Variants in PDE10A observed in about 807,000 individuals in gnomAD.
The protein encoded by PDE10A is phosphodiesterase 10A.
A neutral mutation model predicts 97.7 loss-of-function variants in PDE10A; 39 were observed. The observed-to-expected ratio is 0.40, with a 90% CI of 0.31 to 0.52. The LOEUF is 0.52. Ranked by LOEUF, PDE10A falls within the 20% of genes least tolerant of loss-of-function variation. The probability of loss-of-function intolerance (pLI) is 0.56; values close to 1 mark genes in which losing one functional copy is unlikely to be tolerated. For missense variants in PDE10A, 731 were observed against 1,047.8 expected, an observed-to-expected ratio of 0.70 and a Z score of 4.17; for synonymous variants, 371 against 376.8, an observed-to-expected ratio of 0.98 and a Z score of 0.18.
intron 1 of PDE10A, among the ~76,000 whole-genome samples, chr6:165,918,592 CT>C (rs1211161127): frequency 6.6e-6 from 1 of 152,202 alleles, no homozygotes; most frequent in Non-Finnish European, 1.5e-5. Context: ...AAGTTATTGC[CT>C]TTTAAAAACA....
chr6:165,344,024 G>A (rs115541106), intron 18 of PDE10A, among the ~76,000 whole-genome samples: 1 of 152,208 alleles, frequency 6.6e-6, no homozygotes, highest in African/African-American at 2.4e-5. Flanking sequence ...CTCTCCCCGT[G>A]CAAGTGTGTG....
chr6:165,585,444 TGATAATCTTAGGGG>T (rs1182923358), intron 1 of PDE10A, among the ~76,000 whole-genome samples: 1 of 152,192 alleles, frequency 6.6e-6, no homozygotes, highest in Non-Finnish European at 1.5e-5. Context: ...AAATTATCCT[TGATAATCTTAGGGG>T]GACCTACGTG....
chr6:165,422,477 G>T (rs951187885), intron 10 of PDE10A, among the ~76,000 whole-genome samples: 1 of 146,256 alleles, frequency 6.8e-6, no homozygotes, highest in African/African-American at 2.6e-5. Flanking sequence ...ACACACATAC[G>T]CATACACACC....
At chr6:165,663,316 C>T (rs1790392519), upstream of PDE10A, among the ~76,000 whole-genome samples, 1 of 152,034 alleles carries the variant, frequency 6.6e-6, no homozygotes, top group South Asian at 2.1e-4. Context: ...CCGCGGGACT[C>T]GGCCCCTGCG....
intron 13 of PDE10A, among the ~76,000 whole-genome samples, chr6:165,405,565 A>C (rs973098995): frequency 6.6e-6 from 1 of 152,222 alleles, no homozygotes; most frequent in Admixed American, 6.5e-5. Flanking sequence ...CTTTATTCAC[A>C]TATCTCATTT....
intron 1 of PDE10A, among the ~76,000 whole-genome samples, chr6:165,607,275 G>C (rs1164724122): frequency 6.6e-6 from 1 of 152,210 alleles, no homozygotes; most frequent in Non-Finnish European, 1.5e-5. Flanking sequence ...ACAGCGTAAT[G>C]ATGTTTTGGT....
chr6:165,377,454 T>C (rs991082847), intron 18 of PDE10A, among the ~76,000 whole-genome samples: 46 of 152,198 alleles, frequency 3.0e-4, no homozygotes, highest in African/African-American at 1.1e-3. Flanking sequence ...TTTGTTTTAA[T>C]TGCTTTTCAA....
At chr6:165,360,680 A>G (rs1783350154) in intron 18 of PDE10A, among the ~76,000 whole-genome samples, 1 of 152,144 alleles carries the variant, frequency 6.6e-6, no homozygotes, top group Non-Finnish European at 1.5e-5. Context: ...ATCTCAAATA[A>G]CCGAGTGCTG....
chr6:165,713,874 T>C (rs1041121115), intron 1 of PDE10A, among the ~76,000 whole-genome samples: 1 of 152,240 alleles, frequency 6.6e-6, no homozygotes, highest in Non-Finnish European at 1.5e-5. Context: ...GTCCTATGTA[T>C]AGCAATTAGA....
chr6:165,346,624 C>G (rs1782327413), intron 18 of PDE10A, among the ~76,000 whole-genome samples: 1 of 152,060 alleles, frequency 6.6e-6, no homozygotes, highest in Admixed American at 6.6e-5. Context: ...CAGAACTTTA[C>G]CAAAGGAAGG....
At chr6:165,900,669 T>C (rs1480984784) in intron 1 of PDE10A, among the ~76,000 whole-genome samples, 1 of 152,132 alleles carries the variant, frequency 6.6e-6, no homozygotes. Context: ...CCAGTGAGTA[T>C]TGGTTATAAT....
chr6:165,431,586 T>G (rs1178336428), intron 7 of PDE10A, 114 bp from the exon 8 acceptor site: 1 of 245,312 alleles, frequency 4.1e-6, no homozygotes, highest in Non-Finnish European at 7.3e-6. Context: ...ATATACTATA[T>G]ATAGTATACT....
intron 1 of PDE10A, among the ~76,000 whole-genome samples, chr6:165,618,128 G>A (rs1787811907): frequency 6.6e-6 from 1 of 152,166 alleles, no homozygotes; most frequent in Non-Finnish European, 1.5e-5. Context: ...AAATCTATAT[G>A]TATTCAATAT....
At chr6:165,925,828 C>G (rs986263986) in intron 1 of PDE10A, among the ~76,000 whole-genome samples, 1 of 152,082 alleles carries the variant, frequency 6.6e-6, no homozygotes, top group Non-Finnish European at 1.5e-5. Flanking sequence ...CAATGCTTCA[C>G]GTCTGATAAG....
At chr6:165,869,555 C>CA (rs1458745629) in intron 1 of PDE10A, among the ~76,000 whole-genome samples, 1 of 152,054 alleles carries the variant, frequency 6.6e-6, no homozygotes, top group Non-Finnish European at 1.5e-5. Flanking sequence ...CGTCCCCTAT[C>CA]AAAATACCAA....
intron 1 of PDE10A, among the ~76,000 whole-genome samples, chr6:165,769,557 C>T (rs1404800759): frequency 2.0e-5 from 3 of 152,186 alleles, no homozygotes; most frequent in African/African-American, 7.2e-5. Context: ...TCTGGCTGCA[C>T]ACATCCTACA....
chr6:165,529,112 C>T (rs585675), intron 2 of PDE10A, among the ~76,000 whole-genome samples: 105,221 of 152,050 alleles, frequency 0.69, 39,707 homozygotes, highest in Non-Finnish European at 0.83. Context: ...CTCACAACAA[C>T]GATTCCATTA....
chr6:165,504,154 T>C (rs1399016373), intron 2 of PDE10A, among the ~76,000 whole-genome samples: 4 of 152,114 alleles, frequency 2.6e-5, no homozygotes, highest in Non-Finnish European at 5.9e-5. Context: ...TAGAGATAGG[T>C]AAAACAGTTG....
chr6:165,780,824 T>C (rs1166380245), intron 1 of PDE10A: 1 of 152,340 alleles, frequency 6.6e-6, no homozygotes, highest in African/African-American at 2.4e-5. Context: ...CTCTTTGGTA[T>C]CTGACTGCTG....
Sources: allele counts gnomAD v4.1 joint callset (sites outside exome capture counted in the v4.1 genomes callset), GRCh38; gene constraint gnomAD v4.1.1; transcripts MANE v1.5; gene names NCBI Gene and HGNC (gene_info 2026-07-23, HGNC 2026-07-21).